UBE2K: variants seen among roughly 807,000 people sequenced by gnomAD.
UBE2K encodes ubiquitin-conjugating enzyme E2 K.
A neutral mutation model predicts 30.0 loss-of-function variants in UBE2K; 6 were observed. The observed-to-expected ratio is 0.20, with a 90% CI of 0.11 to 0.39. The LOEUF is 0.39. Among genes scored for constraint, UBE2K ranks in the 10% least tolerant of loss-of-function variants. The probability of loss-of-function intolerance (pLI) is 1.00; values close to 1 mark genes in which losing one functional copy is unlikely to be tolerated. For missense variants in UBE2K, 61 were observed against 241.6 expected, an observed-to-expected ratio of 0.25 and a Z score of 4.96; for synonymous variants, 86 against 83.7, an observed-to-expected ratio of 1.03 and a Z score of -0.15.
chr4:39,730,773 A>AAAT (rs1172772310), intron 1 of UBE2K, among the ~76,000 whole-genome samples: 49 of 151,124 alleles, frequency 3.2e-4, no homozygotes, highest in African/African-American at 6.8e-4. Flanking sequence ...CCGTCTCAAA[A>AAAT]AATAATAATA....
At chr4:39,712,311 C>T (rs1446527461) in intron 1 of UBE2K, among the ~76,000 whole-genome samples, 2 of 145,876 alleles carry the variant, frequency 1.4e-5, no homozygotes, top group African/African-American at 5.1e-5. Flanking sequence ...ATGCCATTCT[C>T]CTGCCTCAGC....
Position 39,707,513 on chromosome 4 carries a change from G to C in UBE2K, c.63+9123G>C, listed in dbSNP as rs555449640. Among the ~76,000 whole-genome samples the C allele has an allele frequency of 4.0e-5, 6 of 150,920 alleles. No individual in the cohort carries two copies. The East Asian group carries it at 7.8e-4, about 20-fold the overall frequency. Reference sequence around the variant, plus strand: ...TCGTGCCTGGCCTGTATGACTGTATGAGGGAGGTTCTTGAGCTAGGTGCCT... The same window carrying C: ...TCGTGCCTGGCCTGTATGACTGTATCAGGGAGGTTCTTGAGCTAGGTGCCT... On this transcript the variant is annotated intron_variant, in intron 1 of 6. Transcript: ENST00000261427.
intron 1 of UBE2K, among the ~76,000 whole-genome samples, chr4:39,718,516 C>G (rs1719234217): frequency 6.6e-6 from 1 of 152,266 alleles, no homozygotes; most frequent in Non-Finnish European, 1.5e-5. Flanking sequence ...TGCGCCTGCA[C>G]TCCTCAGCCC....
At chr4:39,729,791 A>C (rs1030294577) in intron 1 of UBE2K, among the ~76,000 whole-genome samples, 1 of 152,196 alleles carries the variant, frequency 6.6e-6, no homozygotes, top group African/African-American at 2.4e-5. Flanking sequence ...CATTGGCGGC[A>C]TTTCAATTCC....
intron 1 of UBE2K, among the ~76,000 whole-genome samples, chr4:39,700,484 C>A (rs895566880): frequency 3.9e-5 from 6 of 152,118 alleles, no homozygotes; most frequent in Non-Finnish European, 7.4e-5. Flanking sequence ...AGGGTCACAT[C>A]ATTTAATCTT....
intron 2 of UBE2K, among the ~76,000 whole-genome samples, chr4:39,743,463 G>A (rs1221174534): frequency 6.6e-6 from 1 of 152,120 alleles, no homozygotes; most frequent in Non-Finnish European, 1.5e-5. Flanking sequence ...AATTAGTCGG[G>A]CGTGGTGACG....
intron 4 of UBE2K, among the ~76,000 whole-genome samples, chr4:39,767,274 G>T (rs1018327094): frequency 6.7e-6 from 1 of 149,976 alleles, no homozygotes; most frequent in Admixed American, 6.6e-5. Context: ...ACTAATTTGA[G>T]AGATTATCAG....
intron 1 of UBE2K, among the ~76,000 whole-genome samples, chr4:39,733,505 G>C (rs1162292260): frequency 2.0e-5 from 3 of 151,760 alleles, no homozygotes; most frequent in African/African-American, 4.8e-5. Flanking sequence ...GCTAATTTTT[G>C]TATTTTTAGT....
At chr4:39,770,135 G>A in intron 4 of UBE2K, 2 of 1,597,304 alleles carry the variant, frequency 1.3e-6, no homozygotes, top group African/African-American at 1.3e-5. Flanking sequence ...CGTTCTCGGC[G>A]GTGGTCTTGC....
chr4:39,773,757 T>TAAAAAA (rs1425272556), intron 4 of UBE2K, among the ~76,000 whole-genome samples: 1 of 151,560 alleles, frequency 6.6e-6, no homozygotes, highest in Non-Finnish European at 1.5e-5. Flanking sequence ...CCGTCTCTAC[T>TAAAAAA]AAAAATACAA....
chr4:39,736,467 A>G (rs1347350746), intron 1 of UBE2K, among the ~76,000 whole-genome samples: 1 of 152,222 alleles, frequency 6.6e-6, no homozygotes, highest in Non-Finnish European at 1.5e-5. Context: ...CGTCTCAAAA[A>G]AAGGAAGATG....
At chr4:39,745,514 C>T (rs1018733198) in intron 2 of UBE2K, among the ~76,000 whole-genome samples, 1 of 152,192 alleles carries the variant, frequency 6.6e-6, no homozygotes, top group African/African-American at 2.4e-5. Context: ...GTATTTATCT[C>T]TGGCCTTGTT....
intron 1 of UBE2K, among the ~76,000 whole-genome samples, chr4:39,709,340 C>T (rs1718546915): frequency 6.6e-6 from 1 of 151,966 alleles, no homozygotes; most frequent in Non-Finnish European, 1.5e-5. Flanking sequence ...GGTTAAGGTA[C>T]TTCTAATAGT....
At chr4:39,698,486 C>T (rs1578405044) in intron 1 of UBE2K, 96 bp downstream of exon 1, 2 of 1,198,500 alleles carry the variant, frequency 1.7e-6, no homozygotes, top group African/African-American at 1.5e-5. Flanking sequence ...CCTGGGTGGT[C>T]CTCCTTGCGG....
intron 5 of UBE2K, among the ~76,000 whole-genome samples, chr4:39,776,345 G>A (rs1361949000): frequency 6.6e-6 from 1 of 152,140 alleles, no homozygotes; most frequent in Non-Finnish European, 1.5e-5. Context: ...TGCTCTGATA[G>A]ATCTCCTTTT....
At chr4:39,744,320 C>A (rs1720869640) in intron 2 of UBE2K, among the ~76,000 whole-genome samples, 1 of 151,870 alleles carries the variant, frequency 6.6e-6, no homozygotes, top group Non-Finnish European at 1.5e-5. Context: ...CTACAGGCGT[C>A]CGCCACCATG....
intron 4 of UBE2K, chr4:39,761,332 A>G (rs1202113303): frequency 6.6e-6 from 1 of 152,240 alleles, no homozygotes; most frequent in Non-Finnish European, 1.5e-5. Flanking sequence ...AAAAGCTGCC[A>G]TCCTCTTTAA....
intron 4 of UBE2K, chr4:39,770,294 G>A (rs1174072586): frequency 9.3e-6 from 15 of 1,611,624 alleles, no homozygotes; most frequent in East Asian, 4.5e-5. Context: ...CGCAGATGCC[G>A]CACGAGTGTG....
rs1216968315 is a variant in UBE2K at position 39,782,403 on chromosome 4, T to G, written c.*3969T>G. The G allele has an allele frequency of 6.5e-6, 1 of 154,620 alleles. No homozygotes were observed. The highest frequency in any genetic ancestry group is 1.4e-5 in the Non-Finnish European group (1 of 69,730). 9.6% of individuals were successfully genotyped at this position (154,620 alleles called of 1,614,324 possible). On this transcript the variant is annotated 3_prime_UTR_variant, in exon 7 of 7. Coordinates refer to ENST00000261427, the MANE Select transcript of UBE2K (RefSeq NM_005339.5). ...ATAGAAAATGAAATATTATTGAAAATAATATCTATTTTTTAGCTTTCAGCA... is the reference window on the plus strand; with the variant it reads ...ATAGAAAATGAAATATTATTGAAAAGAATATCTATTTTTTAGCTTTCAGCA...
Sources: allele counts gnomAD v4.1 joint callset (sites outside exome capture counted in the v4.1 genomes callset), GRCh38; gene constraint gnomAD v4.1.1; transcripts MANE v1.5; gene names NCBI Gene and HGNC (gene_info 2026-07-23, HGNC 2026-07-21).